L3MBTL4: variants seen among roughly 807,000 people sequenced by gnomAD.
The protein encoded by L3MBTL4 is lethal(3)malignant brain tumor-like protein 4.
Under a neutral mutation model 84.5 loss-of-function variants are expected in L3MBTL4, and 70 were observed. That is an observed-to-expected ratio of 0.83 (90% CI 0.68 to 1.01). The LOEUF (loss-of-function observed/expected upper bound fraction) is 1.01. Ranked by LOEUF, L3MBTL4 falls within the 50% of genes least tolerant of loss-of-function variation. The pLI is 0.00. For synonymous variants in L3MBTL4, 274 were observed against 259.8 expected, an observed-to-expected ratio of 1.05 and a Z score of -0.52; for missense variants, 715 against 754.8, an observed-to-expected ratio of 0.95 and a Z score of 0.62.
chr18:6,049,735 G>T (rs2056775476), intron 16 of L3MBTL4, among the ~76,000 whole-genome samples: 1 of 152,114 alleles, frequency 6.6e-6, no homozygotes, highest in African/African-American at 2.4e-5. Flanking sequence ...GGAGGAAAGG[G>T]GGCAAAGGTT....
chr18:6,099,818 C>T (rs1422841771), intron 14 of L3MBTL4, among the ~76,000 whole-genome samples: 2 of 151,502 alleles, frequency 1.3e-5, no homozygotes, highest in African/African-American at 2.4e-5. Context: ...TTTAAAGTTT[C>T]ATAAGAGTCA....
chr18:6,130,951 C>A (rs1289721889), intron 14 of L3MBTL4, among the ~76,000 whole-genome samples: 1 of 152,096 alleles, frequency 6.6e-6, no homozygotes, highest in Non-Finnish European at 1.5e-5. Context: ...AGTATTATTG[C>A]TAACCCCCTA....
chr18:6,278,570 T>A (rs1217930223), intron 4 of L3MBTL4, among the ~76,000 whole-genome samples: 2 of 152,250 alleles, frequency 1.3e-5, no homozygotes, highest in Non-Finnish European at 2.9e-5. Context: ...CTTTTTGTAC[T>A]ATCTTCCTCG....
Position 6,071,760 on chromosome 18 carries a change from AAAAAGAAAG to A in L3MBTL4, c.1444+9112_1444+9120del, listed in dbSNP as rs1303933473. ...AAGAAGGAAGGAAAGAAAGAAAGAA[AAAAAGAAAG>A]AAAGAAAGAAAGAAAGAAAGAAAGA... On this transcript the variant is annotated intron_variant, in intron 16 of 18. Transcript: ENST00000317931. Among the ~76,000 whole-genome samples, 10 of 77,894 alleles carry A rather than the reference AAAAAGAAAG, an allele frequency of 1.3e-4. 1 individual carries two copies. Among genetic ancestry groups the A allele is most frequent in the African/African-American group, 3.8e-4 (10 of 26,450 alleles). The allele number at this position is 77,894 out of a possible 152,430, so 51.1% of individuals were successfully genotyped here.
chr18:6,358,242 T>C (rs2053531534), intron 1 of L3MBTL4, among the ~76,000 whole-genome samples: 1 of 152,162 alleles, frequency 6.6e-6, no homozygotes, highest in African/African-American at 2.4e-5. Context: ...TTAAATAAAC[T>C]TGTGATGAAA....
At chr18:6,330,571 A>T (rs564711495) in intron 1 of L3MBTL4, among the ~76,000 whole-genome samples, 2 of 152,340 alleles carry the variant, frequency 1.3e-5, no homozygotes, top group African/African-American at 4.8e-5. Flanking sequence ...AATAATCCAG[A>T]ATATCTCCCT....
At chr18:6,230,978 T>G (rs2046976780) in intron 10 of L3MBTL4, among the ~76,000 whole-genome samples, 1 of 152,316 alleles carries the variant, frequency 6.6e-6, no homozygotes, top group East Asian at 1.9e-4. Flanking sequence ...TTCCAGATAT[T>G]AGACTTTTGT....
chr18:6,308,925 C>G (rs1414359474), intron 3 of L3MBTL4, among the ~76,000 whole-genome samples: 1 of 147,358 alleles, frequency 6.8e-6, no homozygotes, highest in East Asian at 2.0e-4. Context: ...TTCTGAAAAG[C>G]ATAAGAAAAT....
At chr18:6,300,327 TTTG>T (rs1375254947) in intron 4 of L3MBTL4, among the ~76,000 whole-genome samples, 1 of 152,182 alleles carries the variant, frequency 6.6e-6, no homozygotes. Flanking sequence ...TTCCTAAACA[TTTG>T]TTATGTTCTA....
chr18:6,052,931 C>T (rs866490519), intron 16 of L3MBTL4, among the ~76,000 whole-genome samples: 5 of 152,194 alleles, frequency 3.3e-5, no homozygotes, highest in South Asian at 2.1e-4. Flanking sequence ...GTTGGCAAGG[C>T]AGAAACATTC....
intron 15 of L3MBTL4, among the ~76,000 whole-genome samples, chr18:6,085,133 T>C (rs1236995118): frequency 3.3e-5 from 5 of 152,218 alleles, no homozygotes; most frequent in African/African-American, 1.2e-4. Flanking sequence ...TGAACCCTTT[T>C]AAAATATAGC....
At chr18:6,108,731 C>A (rs550120931) in intron 14 of L3MBTL4, among the ~76,000 whole-genome samples, 1 of 152,248 alleles carries the variant, frequency 6.6e-6, no homozygotes, top group East Asian at 1.9e-4. Context: ...TTTTGGGGTA[C>A]ATGTGGCTCT....
At chr18:6,254,131 C>T (rs188403727) in intron 5 of L3MBTL4, among the ~76,000 whole-genome samples, 14 of 152,090 alleles carry the variant, frequency 9.2e-5, no homozygotes, top group Admixed American at 2.6e-4. Context: ...TAAGCATTTC[C>T]CCAAGGATAT....
chr18:6,265,885 T>G (rs1301845132), intron 4 of L3MBTL4, among the ~76,000 whole-genome samples: 1 of 152,182 alleles, frequency 6.6e-6, no homozygotes, highest in African/African-American at 2.4e-5. Context: ...GGCATAAGCT[T>G]TAGAGATATG....
rs1485317331 is a variant in L3MBTL4 at position 6,071,823 on chromosome 18, A to AG, written c.1444+9057dup. On this transcript the variant is annotated intron_variant, in intron 16 of 18. Coordinates refer to ENST00000317931, the MANE Select transcript of L3MBTL4 (RefSeq NM_001330559.2). ...AAAGAAAAAGAAAGAAAGGAAAGAA[A>AG]GAAAGAAAGAAAGAGAAAGAGAGAG... Among the ~76,000 whole-genome samples the AG allele has an allele frequency of 3.0e-3, 407 of 134,736 alleles. 5 individuals are homozygous for AG. The highest frequency in any genetic ancestry group is 7.8e-3 in the Admixed American group (108 of 13,760). 88.4% of individuals were successfully genotyped at this position (134,736 alleles called of 152,430 possible).
At chr18:6,168,078 T>C (rs1332162392) in intron 13 of L3MBTL4, among the ~76,000 whole-genome samples, 1 of 152,176 alleles carries the variant, frequency 6.6e-6, no homozygotes, top group Non-Finnish European at 1.5e-5. Flanking sequence ...CATTCACAAT[T>C]GCTTCAAAGA....
chr18:6,244,664 C>A, intron 5 of L3MBTL4, 76 bp from the exon 6 acceptor site: 8 of 986,030 alleles, frequency 8.1e-6, no homozygotes, highest in Admixed American at 1.8e-5. Context: ...GGTGTCACCT[C>A]TAGGTGAAGT....
intron 15 of L3MBTL4, among the ~76,000 whole-genome samples, chr18:6,091,880 T>A (rs2058470668): frequency 6.6e-6 from 1 of 152,140 alleles, no homozygotes; most frequent in Admixed American, 6.5e-5. Flanking sequence ...GATGTACTGG[T>A]CTCTATGATT....
chr18:6,134,220 GC>G (rs1210268944), intron 14 of L3MBTL4, among the ~76,000 whole-genome samples: 4 of 152,074 alleles, frequency 2.6e-5, no homozygotes, highest in African/African-American at 9.7e-5. Flanking sequence ...GGAAAGACCT[GC>G]CCCCATGATT....
Sources: allele counts gnomAD v4.1 joint callset (sites outside exome capture counted in the v4.1 genomes callset), GRCh38; gene constraint gnomAD v4.1.1; transcripts MANE v1.5; gene names NCBI Gene and HGNC (gene_info 2026-07-23, HGNC 2026-07-21).